TRAF3: variants seen among roughly 807,000 people sequenced by gnomAD.
The protein encoded by TRAF3 is TNF receptor associated factor 3.
In TRAF3, 13 loss-of-function variants were observed where a neutral mutation model predicts 62.3. That is an observed-to-expected ratio of 0.21 (90% CI 0.14 to 0.33). The LOEUF is 0.33. Among genes scored for constraint, TRAF3 ranks in the 10% least tolerant of loss-of-function variants. TRAF3 has a pLI of 1.00. For synonymous variants in TRAF3, 269 were observed against 283.4 expected, an observed-to-expected ratio of 0.95 and a Z score of 0.51; for missense variants, 440 against 741.8, an observed-to-expected ratio of 0.59 and a Z score of 4.73.
chr14:102,899,503 C>T (rs576307870), intron 10 of TRAF3, among the ~76,000 whole-genome samples: 9 of 152,324 alleles, frequency 5.9e-5, no homozygotes, highest in South Asian at 4.1e-4. Context: ...TTCCCAGCTT[C>T]GCCCCACTCC....
At chr14:102,792,318 G>A (rs1003488823) in intron 1 of TRAF3, among the ~76,000 whole-genome samples, 8 of 151,566 alleles carry the variant, frequency 5.3e-5, no homozygotes, top group Non-Finnish European at 1.0e-4. Context: ...GTGGAGACAG[G>A]GTCTTGCTGT....
chr14:102,847,139 T>G (rs1886773730), intron 2 of TRAF3, among the ~76,000 whole-genome samples: 1 of 152,166 alleles, frequency 6.6e-6, no homozygotes, highest in African/African-American at 2.4e-5. Flanking sequence ...TATCTTAAAT[T>G]TATTCATATT....
intron 6 of TRAF3, among the ~76,000 whole-genome samples, chr14:102,877,965 T>C (rs528648530): frequency 2.6e-5 from 4 of 152,344 alleles, no homozygotes; most frequent in South Asian, 2.1e-4. Context: ...ACTATTCTAA[T>C]AGGACTAAAG....
At chr14:102,794,919 T>G (rs1897989102) in intron 1 of TRAF3, among the ~76,000 whole-genome samples, 2 of 152,208 alleles carry the variant, frequency 1.3e-5, no homozygotes, top group African/African-American at 4.8e-5. Context: ...GTCCATACGT[T>G]TTTTCTTCCT....
At chr14:102,899,725 G>A (rs1439987324) in intron 10 of TRAF3, among the ~76,000 whole-genome samples, 2 of 152,116 alleles carry the variant, frequency 1.3e-5, no homozygotes, top group African/African-American at 2.4e-5. Context: ...TGGTGATGGC[G>A]GGAGTCGAAG....
chr14:102,811,146 A>G (rs1276702624), intron 1 of TRAF3, among the ~76,000 whole-genome samples: 1 of 152,188 alleles, frequency 6.6e-6, no homozygotes, highest in Admixed American at 6.5e-5. Flanking sequence ...CATGCATTAT[A>G]CACTTTGTAT....
intron 2 of TRAF3, among the ~76,000 whole-genome samples, chr14:102,849,763 CAG>C (rs1886927557): frequency 2.0e-5 from 3 of 152,328 alleles, no homozygotes; most frequent in African/African-American, 7.2e-5. Flanking sequence ...GTACCAGGAA[CAG>C]AGTCAGTATG....
intron 4 of TRAF3, 92 bp downstream of exon 4, chr14:102,872,060 C>A: frequency 7.3e-7 from 1 of 1,371,010 alleles, no homozygotes; most frequent in Non-Finnish European, 1.0e-6. Flanking sequence ...TGGCACAACA[C>A]ATTCTCTCAG....
intron 7 of TRAF3, among the ~76,000 whole-genome samples, chr14:102,886,516 G>T (rs1009455011): frequency 1.3e-5 from 2 of 152,138 alleles, no homozygotes; most frequent in Non-Finnish European, 1.5e-5. Flanking sequence ...AGCACTTTTG[G>T]AGGCCTAGGC....
intron 1 of TRAF3, among the ~76,000 whole-genome samples, chr14:102,784,366 G>A (rs1897394071): frequency 6.6e-6 from 1 of 151,978 alleles, no homozygotes; most frequent in African/African-American, 2.4e-5. Context: ...GGGATTACAG[G>A]CACCCGCCAC....
At chr14:102,844,835 G>GT (rs1247623596) in intron 2 of TRAF3, among the ~76,000 whole-genome samples, 3 of 151,284 alleles carry the variant, frequency 2.0e-5, no homozygotes, top group Non-Finnish European at 4.4e-5. Flanking sequence ...GAGGCCAGGA[G>GT]TTTGAGACCA....
At chr14:102,898,349 A>G (rs1335793796) in intron 10 of TRAF3, among the ~76,000 whole-genome samples, 2 of 152,266 alleles carry the variant, frequency 1.3e-5, no homozygotes, top group Non-Finnish European at 2.9e-5. Context: ...AGTCATTAGC[A>G]TTAAATCAAG....
At chr14:102,814,031 A>G (rs1032090875) in intron 1 of TRAF3, among the ~76,000 whole-genome samples, 43 of 152,064 alleles carry the variant, frequency 2.8e-4, no homozygotes, top group Non-Finnish European at 4.4e-4. Context: ...TAGTAGTTTT[A>G]TCATTTGGGT....
intron 6 of TRAF3, among the ~76,000 whole-genome samples, chr14:102,882,620 G>A (rs1006269953): frequency 1.2e-4 from 17 of 147,130 alleles, no homozygotes; most frequent in African/African-American, 1.5e-4. Flanking sequence ...TGAGGCCTTC[G>A]TTGAGTTTAT....
intron 6 of TRAF3, among the ~76,000 whole-genome samples, chr14:102,878,946 G>T (rs574091551): frequency 6.6e-6 from 1 of 152,236 alleles, no homozygotes; most frequent in East Asian, 1.9e-4. Context: ...TGGCCAGCAG[G>T]TGGGGTATGA....
In TRAF3 at chr14:102,905,889, C is replaced by A. The variant is rs191258518; in HGVS notation, c.*105C>A. The A allele has an allele frequency of 6.5e-6, 7 of 1,082,770 alleles. No homozygotes were observed. In the African/African-American group the frequency reaches 9.6e-5, roughly 15 times the overall value. The allele number at this position is 1,082,770 out of a possible 1,614,324, so 67.1% of individuals were successfully genotyped here. A position where few individuals can be genotyped will look rare whatever the true frequency, so the allele number is the denominator to read the frequency against. On this transcript the variant is annotated 3_prime_UTR_variant, in exon 12 of 12. Coordinates refer to ENST00000392745, the MANE Select transcript of TRAF3 (RefSeq NM_145725.3). ...GCGCTCAGAAAAGGACCTTGTGAGA[C>A]GGAGGAAGCGGCAGAAGGCGGACGC...
In TRAF3 at chr14:102,826,611, A is replaced by G. The variant is rs1159644366; in HGVS notation, c.-156-3723A>G. ...AGGGCCATTTTCATCAGAGAACAGC[A>G]TAACATTGGCAGAGGTCTGACATGT... On this transcript the variant is annotated intron_variant, in intron 1 of 11. Coordinates refer to ENST00000392745, the MANE Select transcript of TRAF3 (RefSeq NM_145725.3). The surrounding 1 kb of genome is among the most constrained non-coding windows in gnomAD (Gnocchi z 4.6). 2.6e-5 allele frequency among the ~76,000 whole-genome samples: 4 copies of G among 152,352 alleles called. No homozygotes were observed. Among genetic ancestry groups the G allele is most frequent in the East Asian group, 1.9e-4 (1 of 5,186 alleles).
intron 4 of TRAF3, among the ~76,000 whole-genome samples, chr14:102,874,712 G>A (rs1454590525): frequency 1.3e-5 from 2 of 151,086 alleles, no homozygotes; most frequent in Admixed American, 6.6e-5. Flanking sequence ...GTGCAGCAGT[G>A]CGATCATGGC....
At chr14:102,812,898 G>A (rs796161692) in intron 1 of TRAF3, among the ~76,000 whole-genome samples, 21 of 151,802 alleles carry the variant, frequency 1.4e-4, no homozygotes, top group African/African-American at 3.9e-4. Flanking sequence ...CGGCCTGGGC[G>A]AAAGAGCGAG....
Sources: gnomAD v4.1 joint callset for allele counts (sites outside exome capture counted in the v4.1 genomes callset) on GRCh38, gnomAD v4.1.1 for gene constraint, Gnocchi (gnomAD v3.1) non-coding constraint, MANE v1.5 for transcripts, NCBI Gene and HGNC (gene_info 2026-07-23, HGNC 2026-07-21) for gene names.